Variants in WIPF2 observed in about 807,000 individuals in gnomAD.
The protein encoded by WIPF2 is WAS/WASL-interacting protein family member 2.
Under a neutral mutation model 38.8 loss-of-function variants are expected in WIPF2, and 23 were observed. That is an observed-to-expected ratio of 0.59 (90% CI 0.43 to 0.84). WIPF2 has a LOEUF of 0.84. Ranked by LOEUF, WIPF2 falls within the 40% of genes least tolerant of loss-of-function variation. The pLI, the probability that WIPF2 is intolerant of heterozygous loss-of-function variation, is 0.00. For synonymous variants in WIPF2, 210 were observed against 223.2 expected, an observed-to-expected ratio of 0.94 and a Z score of 0.53; for missense variants, 574 against 580.5, an observed-to-expected ratio of 0.99 and a Z score of 0.11.
intron 1 of WIPF2, among the ~76,000 whole-genome samples, chr17:40,222,558 C>T (rs1029247511): frequency 4.8e-5 from 7 of 145,818 alleles, no homozygotes; most frequent in Non-Finnish European, 1.0e-4. Flanking sequence ...CTGTTTCTTC[C>T]TCTTAGCCTT....
At chr17:40,271,798 A>G (rs2032256980) in intron 5 of WIPF2, among the ~76,000 whole-genome samples, 1 of 152,226 alleles carries the variant, frequency 6.6e-6, no homozygotes, top group African/African-American at 2.4e-5. Context: ...TGCCTGGAAC[A>G]TAATAGATAC....
intron 1 of WIPF2, among the ~76,000 whole-genome samples, chr17:40,250,493 CCCACCTCGG>C (rs2031524696): frequency 1.3e-5 from 2 of 151,528 alleles, no homozygotes; most frequent in South Asian, 4.2e-4. Context: ...TTGTGATCCG[CCCACCTCGG>C]CCTCCCAAAG....
chr17:40,245,074 C>T lies in WIPF2; in HGVS notation c.-69-11317C>T, dbSNP rs115356409. On this transcript the variant is annotated intron_variant, in intron 1 of 7. Coordinates refer to ENST00000323571, the MANE Select transcript of WIPF2 (RefSeq NM_133264.5). ...GGCTGGAGGATTGCTTAAGCCCAGA[C>T]GTTCAAGACCAGCTTAGGCAACATA... Among the ~76,000 whole-genome samples the T allele has an allele frequency of 1.8e-3, 268 of 152,248 alleles. 4 individuals carry two copies. Among genetic ancestry groups the T allele is most frequent in the African/African-American group, 6.0e-3 (251 of 41,544 alleles).
At chr17:40,240,976 A>G (rs1325462397) in intron 1 of WIPF2, among the ~76,000 whole-genome samples, 1 of 151,892 alleles carries the variant, frequency 6.6e-6, no homozygotes, top group Non-Finnish European at 1.5e-5. Flanking sequence ...TTTTGCTGTA[A>G]TTTTAATGGT....
intron 4 of WIPF2, 79 bp from the exon 5 acceptor site, chr17:40,264,411 C>T (rs1400360097): frequency 1.6e-6 from 2 of 1,274,840 alleles, no homozygotes; most frequent in Non-Finnish European, 1.1e-6. Flanking sequence ...GCAGGTTGCA[C>T]TAAGGAGCCG....
intron 6 of WIPF2, among the ~76,000 whole-genome samples, chr17:40,276,465 GAGCCA>G (rs968712199): frequency 2.3e-5 from 3 of 132,110 alleles, no homozygotes; most frequent in Non-Finnish European, 4.6e-5. Context: ...AGGTTGCAGT[GAGCCA>G]AGATCATGCC....
In WIPF2 at chr17:40,255,055, G is replaced by C. The variant is rs1027111009; in HGVS notation, c.-69-1336G>C. ...GGCCTGATTTTTACATTTTTAAGAG[G>C]TTATAAAAATCAAGAAAATGAGAAG... On this transcript the variant is annotated intron_variant, in intron 1 of 7. Coordinates refer to ENST00000323571, the MANE Select transcript of WIPF2 (RefSeq NM_133264.5). 2.7e-4 allele frequency among the ~76,000 whole-genome samples: 41 copies of C among 151,740 alleles called. 1 individual carries two copies. Among genetic ancestry groups the C allele is most frequent in the Non-Finnish European group, 1.2e-4 (8 of 67,956 alleles).
chr17:40,244,405 A>G (rs894164942), intron 1 of WIPF2, among the ~76,000 whole-genome samples: 2 of 151,944 alleles, frequency 1.3e-5, no homozygotes, highest in East Asian at 1.9e-4. Context: ...ATGAGCTCCT[A>G]CCTCCCATGC....
chr17:40,222,582 T>C (rs973253477), intron 1 of WIPF2, among the ~76,000 whole-genome samples: 1 of 149,692 alleles, frequency 6.7e-6, no homozygotes, highest in Non-Finnish European at 1.5e-5. Flanking sequence ...CATGTGTGTG[T>C]GTGTTTGTGT....
intron 1 of WIPF2, among the ~76,000 whole-genome samples, chr17:40,239,360 T>C (rs2031100179): frequency 1.3e-5 from 2 of 152,038 alleles, no homozygotes; most frequent in Admixed American, 1.3e-4. Flanking sequence ...CGTGATCCAC[T>C]GCGCCCAGCC....
chr17:40,237,325 C>T (rs551676454), intron 1 of WIPF2, among the ~76,000 whole-genome samples: 8 of 150,026 alleles, frequency 5.3e-5, no homozygotes, highest in African/African-American at 1.7e-4. Context: ...ACCGCAATCT[C>T]CGCCTCCTGG....
chr17:40,243,448 C>G (rs2031258188), intron 1 of WIPF2, among the ~76,000 whole-genome samples: 1 of 151,942 alleles, frequency 6.6e-6, no homozygotes, highest in East Asian at 1.9e-4. Flanking sequence ...CTTCTTCCTC[C>G]TTCATTTTCT....
At chr17:40,277,228 G>C (rs948310239) in intron 7 of WIPF2, 44 bp downstream of exon 7, 2 of 1,491,760 alleles carry the variant, frequency 1.3e-6, no homozygotes, top group East Asian at 4.6e-5. Context: ...TGCATAGAAT[G>C]TAGAATCTGT....
intron 1 of WIPF2, among the ~76,000 whole-genome samples, chr17:40,232,179 ATTTTTTTTTTTTTT>A (rs752876006): frequency 1.3e-5 from 1 of 76,056 alleles, no homozygotes; most frequent in Non-Finnish European, 2.4e-5. Context: ...TGCCTGGCTA[ATTTTTTTTTTTTTT>A]TTTTTTTTTT....
chr17:40,229,059 A>G (rs2030627965), intron 1 of WIPF2, among the ~76,000 whole-genome samples: 1 of 150,240 alleles, frequency 6.7e-6, no homozygotes, highest in Non-Finnish European at 1.5e-5. Flanking sequence ...GCATGCCACC[A>G]TGGCTAATTT....
chr17:40,274,020 A>G (rs1240390172), intron 6 of WIPF2, 21 bp downstream of exon 6: 1 of 1,513,414 alleles, frequency 6.6e-7, no homozygotes. Flanking sequence ...AGCTATCTGT[A>G]GTCTCATGGT....
chr17:40,277,742 T>TTTTTTTTTTTTTTTTTTTTTTG (rs2032449991), intron 7 of WIPF2, among the ~76,000 whole-genome samples: 2 of 139,850 alleles, frequency 1.4e-5, no homozygotes, highest in East Asian at 2.0e-4. Context: ...TTTTTTTTTT[T>TTTTTTTTTTTTTTTTTTTTTTG]GAGATAGGGT....
intron 6 of WIPF2, among the ~76,000 whole-genome samples, chr17:40,275,049 G>T (rs967577336): frequency 1.2e-4 from 18 of 151,624 alleles, no homozygotes; most frequent in Admixed American, 1.2e-3. Context: ...AGACCAGCCT[G>T]GCTAACATAG....
In WIPF2 at chr17:40,277,451, G is replaced by A. The variant is rs184966181; in HGVS notation, c.1282+267G>A. On this transcript the variant is annotated intron_variant, in intron 7 of 7. Coordinates refer to ENST00000323571, the MANE Select transcript of WIPF2 (RefSeq NM_133264.5). The stretch of plus-strand genomic sequence containing the variant: ...AATCCCAGCATTTTGGGAGGCTGAG[G>A]TGGGCGGATCATGAGGTCGGGAGAT... Among the ~76,000 whole-genome samples, 14 of 152,234 alleles carry A rather than the reference G, an allele frequency of 9.2e-5. No individual in the cohort carries two copies. In the East Asian group the frequency reaches 2.7e-3, roughly 29 times the overall value.
Sources: gnomAD v4.1 joint callset for allele counts (sites outside exome capture counted in the v4.1 genomes callset) on GRCh38, gnomAD v4.1.1 for gene constraint, MANE v1.5 for transcripts, NCBI Gene and HGNC (gene_info 2026-07-23, HGNC 2026-07-21) for gene names.